Variants in C12orf42 observed in about 807,000 individuals in gnomAD.
The protein encoded by C12orf42 is uncharacterized protein C12orf42.
In C12orf42, 25 loss-of-function variants were observed where a neutral mutation model predicts 21.6. That is an observed-to-expected ratio of 1.16 (90% CI 0.84 to 1.62). The LOEUF (loss-of-function observed/expected upper bound fraction) is 1.62. C12orf42 is among the 40% of genes most tolerant of loss of function. The probability of loss-of-function intolerance (pLI) is 0.00; values close to 1 mark genes in which losing one functional copy is unlikely to be tolerated. For missense variants in C12orf42, 483 were observed against 459.3 expected, an observed-to-expected ratio of 1.05 and a Z score of -0.47; for synonymous variants, 174 against 175.0, an observed-to-expected ratio of 0.99 and a Z score of 0.05.
the C12orf42 span, among the ~76,000 whole-genome samples, chr12:103,172,896 C>T: frequency 6.6e-6 from 1 of 152,030 alleles, no homozygotes; most frequent in Non-Finnish European, 1.5e-5. Flanking sequence ...TTAAAGTTTC[C>T]ACCACATAAC....
At chr12:103,437,180 A>T (rs1349066804) in intron 2 of C12orf42, among the ~76,000 whole-genome samples, 1 of 151,950 alleles carries the variant, frequency 6.6e-6, no homozygotes, top group African/African-American at 2.4e-5. Flanking sequence ...AAATGAAGGC[A>T]GAAATAAAGA....
intron 2 of C12orf42, among the ~76,000 whole-genome samples, chr12:103,440,314 C>G (rs1025777882): frequency 2.9e-4 from 40 of 139,902 alleles, no homozygotes; most frequent in Non-Finnish European, 1.1e-4. Flanking sequence ...TGCTAGATGA[C>G]GAGTTAGTGG....
chr12:103,106,070 C>T, the C12orf42 span, among the ~76,000 whole-genome samples: 24 of 152,190 alleles, frequency 1.6e-4, no homozygotes, highest in African/African-American at 5.8e-4. Flanking sequence ...CCTGATACAT[C>T]ATAATGAAAC....
intron 4 of C12orf42, chr12:103,277,227 T>C: frequency 2.3e-6 from 1 of 444,304 alleles, no homozygotes; most frequent in Non-Finnish European, 4.5e-6. Flanking sequence ...AAAAGTACCA[T>C]ATGGAAAGGG....
the C12orf42 span, among the ~76,000 whole-genome samples, chr12:103,079,472 A>C: frequency 6.6e-6 from 1 of 152,120 alleles, no homozygotes; most frequent in Non-Finnish European, 1.5e-5. Flanking sequence ...AATAGATGAT[A>C]ATTAGAAGGT....
chr12:103,448,145 T>G (rs1951696540), intron 2 of C12orf42, among the ~76,000 whole-genome samples: 1 of 151,974 alleles, frequency 6.6e-6, no homozygotes, highest in Non-Finnish European at 1.5e-5. Context: ...GCCAAATGCT[T>G]ATAGCCAACT....
intron 5 of C12orf42, among the ~76,000 whole-genome samples, chr12:103,271,922 G>A (rs2035498442): frequency 6.6e-6 from 1 of 152,202 alleles, no homozygotes; most frequent in Admixed American, 6.5e-5. Context: ...CTGCTAGAGA[G>A]TATGTGCTAA....
chr12:103,430,338 T>C (rs1950172821), intron 2 of C12orf42, among the ~76,000 whole-genome samples: 1 of 152,198 alleles, frequency 6.6e-6, no homozygotes, highest in Admixed American at 6.5e-5. Flanking sequence ...AAGACATCTA[T>C]GCGGCCAACA....
the C12orf42 span, among the ~76,000 whole-genome samples, chr12:103,547,130 C>G: frequency 1.3e-5 from 2 of 152,200 alleles, no homozygotes; most frequent in African/African-American, 4.8e-5. Context: ...TCTTTTGTTA[C>G]AGGGTCCCCA....
chr12:103,097,304 A>G, the C12orf42 span, among the ~76,000 whole-genome samples: 1 of 152,158 alleles, frequency 6.6e-6, no homozygotes, highest in Non-Finnish European at 1.5e-5. Context: ...AATGCTAGAG[A>G]ATACAGAGAG....
the C12orf42 span, among the ~76,000 whole-genome samples, chr12:103,554,233 A>G: frequency 6.6e-6 from 1 of 152,060 alleles, no homozygotes. Flanking sequence ...TGCTTTTCCT[A>G]CCCCAGATAT....
chr12:103,374,455 T>G (rs987208977), intron 3 of C12orf42, among the ~76,000 whole-genome samples: 1 of 152,154 alleles, frequency 6.6e-6, no homozygotes, highest in Non-Finnish European at 1.5e-5. Context: ...GAGGCAAGCA[T>G]CTCTTGGCTT....
the C12orf42 span, among the ~76,000 whole-genome samples, chr12:103,543,332 G>A: frequency 6.6e-6 from 1 of 152,156 alleles, no homozygotes; most frequent in African/African-American, 2.4e-5. Flanking sequence ...AGGCCGGGCA[G>A]GCATGGTAAT....
chr12:103,075,339 GA>G, the C12orf42 span, among the ~76,000 whole-genome samples: 36 of 152,026 alleles, frequency 2.4e-4, 1 homozygote, highest in South Asian at 7.3e-3. Flanking sequence ...TGTAAGCTTG[GA>G]AACCAGATAA....
intron 1 of C12orf42, among the ~76,000 whole-genome samples, chr12:103,484,181 A>G (rs1274311764): frequency 1.3e-5 from 2 of 152,230 alleles, no homozygotes; most frequent in African/African-American, 4.8e-5. Flanking sequence ...ATACCCAGTA[A>G]TGGGATTGCT....
chr12:103,411,714 T>C (rs2048860700), intron 2 of C12orf42, among the ~76,000 whole-genome samples: 1 of 152,204 alleles, frequency 6.6e-6, no homozygotes. Flanking sequence ...TGAATCTATT[T>C]GTGCGTTGAT....
At chr12:103,155,700 T>TACATACATA in the C12orf42 span, among the ~76,000 whole-genome samples, 8 of 77,046 alleles carry the variant, frequency 1.0e-4, no homozygotes, top group East Asian at 3.6e-3. Context: ...ATACACATAC[T>TACATACATA]TGTATATATA....
the C12orf42 span, among the ~76,000 whole-genome samples, chr12:103,051,725 T>C: frequency 2.0e-5 from 3 of 152,178 alleles, no homozygotes; most frequent in Non-Finnish European, 4.4e-5. Flanking sequence ...CCCACTTGTT[T>C]CTGCCCCTCT....
intron 3 of C12orf42, among the ~76,000 whole-genome samples, chr12:103,382,335 A>G (rs2046258196): frequency 6.6e-6 from 1 of 152,216 alleles, no homozygotes. Flanking sequence ...TTGTAGAACC[A>G]TGTTAGATTA....
Sources: gnomAD v4.1 joint callset for allele counts (sites outside exome capture counted in the v4.1 genomes callset) on GRCh38, gnomAD v4.1.1 for gene constraint, MANE v1.5 for transcripts, NCBI Gene and HGNC (gene_info 2026-07-23, HGNC 2026-07-21) for gene names.